Variants in PRKAG2 observed in about 807,000 individuals in gnomAD.
The protein encoded by PRKAG2 is 5'-AMP-activated protein kinase subunit gamma-2.
A neutral mutation model predicts 69.6 loss-of-function variants in PRKAG2; 26 were observed. The observed-to-expected ratio is 0.37, with a 90% CI of 0.27 to 0.52. The LOEUF (loss-of-function observed/expected upper bound fraction) is 0.52. Among genes scored for constraint, PRKAG2 ranks in the 20% least tolerant of loss-of-function variants. The probability of loss-of-function intolerance (pLI) is 0.90; values close to 1 mark genes in which losing one functional copy is unlikely to be tolerated. For synonymous variants in PRKAG2, 293 were observed against 285.0 expected (o/e 1.03, Z -0.28); for missense variants, 557 against 740.0 (o/e 0.75, Z 2.87).
chr7:151,564,503 C>T (rs1290618984), intron 13 of PRKAG2, among the ~76,000 whole-genome samples: 1 of 152,184 alleles, frequency 6.6e-6, no homozygotes, highest in African/African-American at 2.4e-5. Flanking sequence ...CAAAGACTGC[C>T]CCCCAATTTT....
intron 1 of PRKAG2, among the ~76,000 whole-genome samples, chr7:151,870,023 T>G (rs140124969): frequency 2.4e-4 from 37 of 152,354 alleles, no homozygotes; most frequent in Admixed American, 4.6e-4. Context: ...GCATTCATCT[T>G]TATTTGGAAG....
rs1586038214 is a variant in PRKAG2 at position 151,719,793 on chromosome 7, T to C, written c.467-44156A>G. On this transcript the variant is annotated intron_variant, in intron 3 of 15. Transcript: ENST00000287878. The surrounding 1 kb of genome is among the most constrained non-coding windows in gnomAD (Gnocchi z 5.2). ...TCAACAAGAAACTGGAGCCTGCCCC[T>C]CCTCCCCCTGAGTTTGCCAGGCAGC... is the stretch of plus-strand genomic sequence containing the variant. Among the ~76,000 whole-genome samples, 1 of 62,736 alleles carries C rather than the reference T, an allele frequency of 1.6e-5. No individual in the cohort carries two copies. The highest frequency in any genetic ancestry group is 3.5e-5 in the Non-Finnish European group (1 of 28,628). 41.2% of individuals were successfully genotyped at this position (62,736 alleles called of 152,430 possible). A position where few individuals can be genotyped will look rare whatever the true frequency, so the allele number is the denominator to read the frequency against.
rs1264858920 is a variant in PRKAG2, at chr7:151,836,489, A to AAAC, written c.114+40015_114+40017dup. Reference sequence around the variant, plus strand: ...ACTCAGTCACCAAAACAAGAAACAAAAACAACAACAACAACAAAGGCAAGG... The same window carrying AAAC: ...ACTCAGTCACCAAAACAAGAAACAAAAACAACAACAACAACAACAAAGGCAAGG... On this transcript the variant is annotated intron_variant, in intron 1 of 15. Transcript: ENST00000287878. The surrounding 1 kb of genome is among the most constrained non-coding windows in gnomAD (Gnocchi z 4.1). 2.0e-5 allele frequency among the ~76,000 whole-genome samples: 3 copies of AAAC among 152,330 alleles called. No homozygotes were observed. Among genetic ancestry groups the AAAC allele is most frequent in the South Asian group, 2.1e-4 (1 of 4,826 alleles).
chr7:151,575,460 G>T (rs1228993329), intron 7 of PRKAG2, among the ~76,000 whole-genome samples: 2 of 152,158 alleles, frequency 1.3e-5, no homozygotes, highest in African/African-American at 4.8e-5. Context: ...TTAAAACCTA[G>T]AAGCAGACAT....
chr7:151,725,561 A>G (rs890513389), intron 3 of PRKAG2, among the ~76,000 whole-genome samples: 1 of 145,808 alleles, frequency 6.9e-6, no homozygotes, highest in Admixed American at 6.8e-5. Flanking sequence ...CGCAGTGAAG[A>G]AAAAAAAAAA....
chr7:151,560,688 T>A, intron 14 of PRKAG2, 71 bp from the exon 15 acceptor site: 1 of 1,568,118 alleles, frequency 6.4e-7, no homozygotes, highest in South Asian at 1.1e-5. Flanking sequence ...TGAGAAATAA[T>A]GTCCTGTCAT....
rs1242913865 is a variant in PRKAG2 at position 151,632,040 on chromosome 7, C to T, written c.754+29G>A. 4.5e-6 allele frequency: 6 copies of T among 1,329,762 alleles called. No homozygotes were observed. The highest frequency in any genetic ancestry group is 5.8e-6 in the Non-Finnish European group (6 of 1,028,244). 82.4% of individuals were successfully genotyped at this position (1,329,762 alleles called of 1,614,324 possible). Reference sequence around the variant, plus strand: ...TCGGGCGGCCGGGCCGTGGGAGCGCCGGGCCGGCAGCGGGCGGGGCGCACT... The same window carrying T: ...TCGGGCGGCCGGGCCGTGGGAGCGCTGGGCCGGCAGCGGGCGGGGCGCACT... On this transcript the variant is annotated intron_variant, in intron 5 of 15. Coordinates refer to ENST00000287878, the MANE Select transcript of PRKAG2 (RefSeq NM_016203.4). This position sits in a 1 kb window ranked among gnomAD's most constrained non-coding sequence, Gnocchi z 4.2.
At chr7:151,747,874 C>T (rs908896339) in intron 3 of PRKAG2, among the ~76,000 whole-genome samples, 2 of 149,904 alleles carry the variant, frequency 1.3e-5, no homozygotes, top group African/African-American at 4.9e-5. Flanking sequence ...CTCAGTGGGG[C>T]TAAGGGGGTG....
intron 3 of PRKAG2, among the ~76,000 whole-genome samples, chr7:151,709,523 G>A (rs962416892): frequency 6.6e-6 from 1 of 152,160 alleles, no homozygotes. Flanking sequence ...GACACTGAGT[G>A]ACCTGTGTGA....
chr7:151,799,820 T>C (rs973064744), intron 1 of PRKAG2, among the ~76,000 whole-genome samples: 1 of 152,110 alleles, frequency 6.6e-6, no homozygotes, highest in African/African-American at 2.4e-5. Flanking sequence ...TGCAGGCAGC[T>C]ACCAGATAGG....
chr7:151,859,548 A>C (rs2079866473), intron 1 of PRKAG2, among the ~76,000 whole-genome samples: 1 of 152,198 alleles, frequency 6.6e-6, no homozygotes. Flanking sequence ...AATAGGGAAG[A>C]CTTCCCAGGG....
At chr7:151,749,978 C>G (rs1483936768) in intron 3 of PRKAG2, among the ~76,000 whole-genome samples, 4 of 151,566 alleles carry the variant, frequency 2.6e-5, no homozygotes, top group Non-Finnish European at 5.9e-5. Context: ...ATGCTCATAG[C>G]CCCAGCTACT....
At chr7:151,593,459 G>A (rs543127473) in intron 6 of PRKAG2, among the ~76,000 whole-genome samples, 21 of 152,158 alleles carry the variant, frequency 1.4e-4, no homozygotes, top group African/African-American at 2.2e-4. Flanking sequence ...CTCCCAAAGC[G>A]CTGGAATTAC....
rs961702539 is a variant in PRKAG2, at chr7:151,850,255, G to A, written c.114+26252C>T. ...ACCGGGTGGGCCCAGGAGAAACCTGGAGGTACAGTCCCCTCACCTAGAACG... is the reference window on the plus strand; with the variant it reads ...ACCGGGTGGGCCCAGGAGAAACCTGAAGGTACAGTCCCCTCACCTAGAACG... On this transcript the variant is annotated intron_variant, in intron 1 of 15. Transcript: ENST00000287878. This position sits in a 1 kb window ranked among gnomAD's most constrained non-coding sequence, Gnocchi z 4.1. Among the ~76,000 whole-genome samples, 23 of 152,346 alleles carry A rather than the reference G, an allele frequency of 1.5e-4. No individual in the cohort carries two copies. The highest frequency in any genetic ancestry group is 5.3e-4 in the African/African-American group (22 of 41,578).
At chr7:151,689,133 A>G (rs1220171120) in intron 3 of PRKAG2, among the ~76,000 whole-genome samples, 1 of 152,220 alleles carries the variant, frequency 6.6e-6, no homozygotes, top group Non-Finnish European at 1.5e-5. Context: ...AAAATCTGTA[A>G]TAGTACCTGG....
intron 1 of PRKAG2, among the ~76,000 whole-genome samples, chr7:151,842,415 T>C (rs1307304756): frequency 1.3e-4 from 17 of 135,350 alleles, no homozygotes; most frequent in African/African-American, 3.1e-4. Flanking sequence ...GGGATGGTAG[T>C]GATGGTAGGT....
At chr7:151,578,724 T>C (rs572527792) in intron 6 of PRKAG2, among the ~76,000 whole-genome samples, 2 of 152,268 alleles carry the variant, frequency 1.3e-5, no homozygotes, top group Non-Finnish European at 2.9e-5. Flanking sequence ...CTGAGCAGCA[T>C]CCAGAAACTC....
intron 3 of PRKAG2, among the ~76,000 whole-genome samples, chr7:151,770,822 C>T (rs1397726621): frequency 6.6e-6 from 1 of 152,148 alleles, no homozygotes; most frequent in Non-Finnish European, 1.5e-5. Flanking sequence ...AAAGTGGCCT[C>T]CCTCCTGGAG....
chr7:151,871,888 A>C lies in PRKAG2; in HGVS notation c.114+4619T>G, dbSNP rs115891570. Among the ~76,000 whole-genome samples, 1,241 of 152,308 alleles carry C rather than the reference A, an allele frequency of 8.1e-3. 16 individuals carry two copies. Among genetic ancestry groups the C allele is most frequent in the African/African-American group, 0.028 (1,147 of 41,570 alleles). ...CAAAACGACTCAATCCAATTCAATG[A>C]AGAGACAAGCTGCTTGGGCACTAGG... is the stretch of plus-strand genomic sequence containing the variant. On this transcript the variant is annotated intron_variant, in intron 1 of 15. Transcript: ENST00000287878.
Sources: gnomAD v4.1 joint callset for allele counts (sites outside exome capture counted in the v4.1 genomes callset) on GRCh38, gnomAD v4.1.1 for gene constraint, Gnocchi (gnomAD v3.1) non-coding constraint, MANE v1.5 for transcripts, NCBI Gene and HGNC (gene_info 2026-07-23, HGNC 2026-07-21) for gene names.